The following RPS6KA6 variants were observed in gnomAD, a reference collection of about 807,000 sequenced individuals.
RPS6KA6 encodes ribosomal protein S6 kinase alpha-6.
A neutral mutation model predicts 65.4 loss-of-function variants in RPS6KA6; 27 were observed. The observed-to-expected ratio is 0.41, with a 90% CI of 0.30 to 0.57. The LOEUF (loss-of-function observed/expected upper bound fraction) is 0.57. Among genes scored for constraint, RPS6KA6 ranks in the 20% least tolerant of loss-of-function variants. The pLI, the probability that RPS6KA6 is intolerant of heterozygous loss-of-function variation, is 0.24. For missense variants in RPS6KA6, 486 were observed against 555.6 expected, an observed-to-expected ratio of 0.87 and a Z score of 1.26; for synonymous variants, 190 against 184.2, an observed-to-expected ratio of 1.03 and a Z score of -0.26.
In RPS6KA6 at chrX:84,145,515, A is replaced by G; in HGVS notation, c.464T>C (p.Leu155Pro). 1 of 1,156,869 alleles carries G rather than the reference A, an allele frequency of 8.6e-7. No homozygotes were observed. The highest frequency in any genetic ancestry group is 2.6e-5 in the Admixed American group (1 of 38,678). Residue 155 changes from leucine (L) to proline (P), a missense_variant, in exon 6 of 22, where the codon CTC becomes CCC. Physicochemically the swap from Leu to Pro is moderately conservative, Grantham distance 98 (BLOSUM62 -3). Coordinates refer to ENST00000262752, the MANE Select transcript of RPS6KA6 (RefSeq NM_014496.5). ...EGKLYLILDF[L>P]RGGDVFTRLS... ...TCTTGTGAAAACATCTCCTCCCCTG[A>G]GAAAATCCAGTATTAAGTACAGTTT...
intron 20 of RPS6KA6, among the ~76,000 whole-genome samples, chrX:84,070,514 A>G (rs1186134070): frequency 9.0e-6 from 1 of 110,877 alleles, no homozygotes; most frequent in Non-Finnish European, 1.9e-5. Flanking sequence ...TACCTATATA[A>G]CAAACCTGCA....
At chrX:84,107,121 A>G (rs2034375654) in intron 13 of RPS6KA6, 81 bp from the exon 14 acceptor site, 1 of 794,486 alleles carries the variant, frequency 1.3e-6, no homozygotes, top group African/African-American at 2.1e-5. Context: ...TTTAACTATA[A>G]AGGAAACCAT....
chrX:84,149,932 AG>A lies in RPS6KA6; in HGVS notation c.259-1810del, dbSNP rs748660956. Among the ~76,000 whole-genome samples the A allele has an allele frequency of 2.0e-4, 22 of 112,222 alleles. No individual in the cohort carries two copies. The East Asian group carries it at 5.1e-3, about 26-fold the overall frequency. The stretch of plus-strand genomic sequence containing the variant: ...CTAGATGGCATCTTCTTCCAACAGA[AG>A]GCTGTTTCTTCTACAATTAAAACCT... On this transcript the variant is annotated intron_variant, in intron 3 of 21. Transcript: ENST00000262752.
At chrX:84,126,709 A>C (rs1480244433) in intron 8 of RPS6KA6, among the ~76,000 whole-genome samples, 3 of 111,820 alleles carry the variant, frequency 2.7e-5, no homozygotes, top group Non-Finnish European at 3.8e-5. Context: ...TAAACTATAT[A>C]AACACATAGA....
At position 84,103,159 on chromosome X, in the gene RPS6KA6, T is replaced by C. The variant is rs182129755; in HGVS notation, c.1615-961A>G. Among the ~76,000 whole-genome samples the C allele has an allele frequency of 2.5e-3, 283 of 111,238 alleles. 1 individual carries two copies. Among genetic ancestry groups the C allele is most frequent in the African/African-American group, 8.9e-3 (274 of 30,751 alleles). ...GGATACAATCCCAAATTATCTGTTA[T>C]ACAAAGAACCAAGAAAATAGAACAC... On this transcript the variant is annotated intron_variant, in intron 17 of 21. Coordinates refer to ENST00000262752, the MANE Select transcript of RPS6KA6 (RefSeq NM_014496.5).
At chrX:84,075,755 G>T (rs755789887) in intron 20 of RPS6KA6, among the ~76,000 whole-genome samples, 4 of 99,945 alleles carry the variant, frequency 4.0e-5, no homozygotes, top group Non-Finnish European at 8.3e-5. Flanking sequence ...CTGAAAAAAA[G>T]TCAACCAATA....
chrX:84,072,369 AC>A (rs2033563088), intron 20 of RPS6KA6, among the ~76,000 whole-genome samples: 1 of 112,075 alleles, frequency 8.9e-6, no homozygotes, highest in African/African-American at 3.2e-5. Flanking sequence ...ATGATAAAAA[AC>A]ATTAAACAAA....
intron 18 of RPS6KA6, among the ~76,000 whole-genome samples, chrX:84,099,016 A>G (rs5922913): frequency 0.041 from 4,543 of 110,832 alleles, 93 homozygotes; most frequent in Non-Finnish European, 0.064. Flanking sequence ...TTCTCATCAC[A>G]TCTTACAGTT....
At chrX:84,120,102 A>C in intron 8 of RPS6KA6, 75 bp from the exon 9 acceptor site, 4 of 761,287 alleles carry the variant, frequency 5.3e-6, no homozygotes, top group Non-Finnish European at 5.5e-6. Flanking sequence ...AAACAAAATA[A>C]TGTATTAAAC....
At position 84,086,170 on chromosome X, in the gene RPS6KA6, C is replaced by T. The variant is rs182250956; in HGVS notation, c.1971+10024G>A. 7.2e-5 allele frequency among the ~76,000 whole-genome samples: 8 copies of T among 111,325 alleles called. No homozygotes were observed. The East Asian group carries it at 2.3e-3, about 32-fold the overall frequency. Reference sequence around the variant, plus strand: ...TGTCTCTATATCCTTCAGTTCAGCTCTGATTTTGGTTATTTCCTGTATTCT... The same window carrying T: ...TGTCTCTATATCCTTCAGTTCAGCTTTGATTTTGGTTATTTCCTGTATTCT... On this transcript the variant is annotated intron_variant, in intron 20 of 21. Coordinates refer to ENST00000262752, the MANE Select transcript of RPS6KA6 (RefSeq NM_014496.5).
At chrX:84,121,780 C>G (rs904052288) in intron 8 of RPS6KA6, among the ~76,000 whole-genome samples, 3 of 111,928 alleles carry the variant, frequency 2.7e-5, no homozygotes, top group Non-Finnish European at 3.8e-5. Flanking sequence ...CATGTAAAAC[C>G]TAAAACTATA....
At chrX:84,094,001 C>T (rs2034099477) in intron 20 of RPS6KA6, among the ~76,000 whole-genome samples, 1 of 110,885 alleles carries the variant, frequency 9.0e-6, no homozygotes, top group South Asian at 3.8e-4. Context: ...GAGATTTAAG[C>T]CCTTAAACCT....
Position 84,188,009 on chromosome X carries a change from C to T in RPS6KA6, c.-110G>A. ...GCCGCCGCCGCCGCCGCCGCCGCCG[C>T]GACCCCCAGCCCCGCCTTCAGCGAG... On this transcript the variant is annotated 5_prime_UTR_variant, in exon 1 of 22. Transcript: ENST00000262752. 1 of 516,291 alleles carries T rather than the reference C, an allele frequency of 1.9e-6. No homozygotes were observed. Among genetic ancestry groups the T allele is most frequent in the Non-Finnish European group, 2.5e-6 (1 of 393,518 alleles). 42.5% of individuals were successfully genotyped at this position (516,291 alleles called of 1,213,427 possible).
intron 20 of RPS6KA6, among the ~76,000 whole-genome samples, chrX:84,089,292 C>G (rs1361806564): frequency 1.8e-5 from 2 of 111,961 alleles, no homozygotes; most frequent in Non-Finnish European, 3.8e-5. Context: ...CACCCCTCCC[C>G]CTGGAACTTG....
rs891395102 is a variant in RPS6KA6 at position 84,058,924 on chromosome X, T to C, written c.*5353A>G. The C allele has an allele frequency of 3.7e-5, 4 of 108,381 alleles. No individual in the cohort carries two copies. The East Asian group carries it at 1.1e-3, about 31-fold the overall frequency. 8.9% of individuals were successfully genotyped at this position (108,381 alleles called of 1,213,427 possible). The stretch of plus-strand genomic sequence containing the variant: ...GCTATAGCAAACTGTGGTTGCTTCA[T>C]AAAGCCTATGTAACTCCCAACTACC... On this transcript the variant is annotated 3_prime_UTR_variant, in exon 22 of 22. Coordinates refer to ENST00000262752, the MANE Select transcript of RPS6KA6 (RefSeq NM_014496.5).
In RPS6KA6 at chrX:84,058,974, T is replaced by C. The variant is rs2033253105; in HGVS notation, c.*5303A>G. On this transcript the variant is annotated 3_prime_UTR_variant, in exon 22 of 22. Coordinates refer to ENST00000262752, the MANE Select transcript of RPS6KA6 (RefSeq NM_014496.5). ...CAACAGTACTTCCTGTTTTTTTTTTTTTTTATCAAACAGAAAAACCACCTT... is the reference window on the plus strand; with the variant it reads ...CAACAGTACTTCCTGTTTTTTTTTTCTTTTATCAAACAGAAAAACCACCTT... The C allele has an allele frequency of 9.2e-6, 1 of 109,283 alleles. No individual in the cohort carries two copies. The highest frequency in any genetic ancestry group is 3.9e-4 in the South Asian group (1 of 2,550). The allele number at this position is 109,283 out of a possible 1,213,427, so 9.0% of individuals were successfully genotyped here. A position where few individuals can be genotyped will look rare whatever the true frequency, so the allele number is the denominator to read the frequency against.
upstream of RPS6KA6, among the ~76,000 whole-genome samples, chrX:84,188,427 G>A (rs1005222330): frequency 2.7e-5 from 3 of 110,404 alleles, no homozygotes; most frequent in African/African-American, 9.9e-5. Context: ...GGGGAGGGGG[G>A]CGTGCTGGGC....
In RPS6KA6 at chrX:84,060,108, T is replaced by G. The variant is rs2033278836; in HGVS notation, c.*4169A>C. 1 of 111,383 alleles carries G rather than the reference T, an allele frequency of 9.0e-6. No individual in the cohort carries two copies. Among genetic ancestry groups the G allele is most frequent in the African/African-American group, 3.3e-5 (1 of 30,704 alleles). 9.2% of individuals were successfully genotyped at this position (111,383 alleles called of 1,213,427 possible). ...ACTAAAACCAGGAACAGTGCATCCA[T>G]GAGTATAATGTATGTTGTGAATAAT... On this transcript the variant is annotated 3_prime_UTR_variant, in exon 22 of 22. Transcript: ENST00000262752.
At chrX:84,180,262 C>A (rs777011590) in intron 1 of RPS6KA6, among the ~76,000 whole-genome samples, 2 of 111,780 alleles carry the variant, frequency 1.8e-5, no homozygotes, top group East Asian at 2.8e-4. Context: ...CTGAAAATAG[C>A]AAAAATGTTT....
Sources: allele counts gnomAD v4.1 joint callset (sites outside exome capture counted in the v4.1 genomes callset), GRCh38; gene constraint gnomAD v4.1.1; transcripts MANE v1.5; gene names NCBI Gene and HGNC (gene_info 2026-07-23, HGNC 2026-07-21).